Variants in FGR observed in about 807,000 individuals in gnomAD.
The protein encoded by FGR is FGR proto-oncogene, Src family tyrosine kinase, also known as tyrosine-protein kinase Fgr.
A neutral mutation model predicts 63.2 loss-of-function variants in FGR; 26 were observed. The ratio of observed to expected loss-of-function variants is 0.41; its 90% CI spans 0.30 to 0.57. The LOEUF (loss-of-function observed/expected upper bound fraction) is 0.57, where lower values mean the gene tolerates loss of function less well. FGR is among the 20% of genes least tolerant of loss of function. The pLI, the probability that FGR is intolerant of heterozygous loss-of-function variation, is 0.27. For synonymous variants in FGR, 286 were observed against 277.7 expected (o/e 1.03, Z -0.30); for missense variants, 511 against 690.8 (o/e 0.74, Z 2.92).
At chr1:27,630,083 C>A (rs933239537) in intron 1 of FGR, among the ~76,000 whole-genome samples, 3 of 152,108 alleles carry the variant, frequency 2.0e-5, no homozygotes, top group African/African-American at 7.2e-5. Flanking sequence ...GACGGGGTCT[C>A]ACTCTGTTGC....
At position 27,615,555 on chromosome 1, in the gene FGR, G is replaced by C. The variant is rs768777840; in HGVS notation, c.897C>G (p.Ser299=). The C allele has an allele frequency of 6.2e-7, 1 of 1,613,756 alleles. No individual in the cohort carries two copies. Among genetic ancestry groups the C allele is most frequent in the African/African-American group, 1.3e-5 (1 of 74,916 alleles). Residue 299 remains serine (S), a synonymous_variant, in exon 9 of 13, where the codon TCC becomes TCG. Coordinates refer to ENST00000374005, the MANE Select transcript of FGR (RefSeq NM_005248.3). The surrounding 1 kb of genome is among the most constrained non-coding windows in gnomAD (Gnocchi z 7.6). ...AVKTLKPGTM[S]PKAFLEEAQV... ...GCGCCTCCTCCAGGAAGGCCTTCGG[G>C]GACATGGTGCCCGGCTTCAGCGTCT... is the stretch of plus-strand genomic sequence containing the variant.
intron 1 of FGR, among the ~76,000 whole-genome samples, chr1:27,634,125 G>T (rs1181381393): frequency 6.6e-6 from 1 of 150,384 alleles, no homozygotes; most frequent in African/African-American, 2.5e-5. Context: ...CCAAAAGGGG[G>T]CGAAGGCGGA....
At chr1:27,627,477 CAT>C (rs61085877) in intron 1 of FGR, among the ~76,000 whole-genome samples, 3 of 146,060 alleles carry the variant, frequency 2.1e-5, no homozygotes, top group African/African-American at 5.0e-5. Flanking sequence ...CACACACACA[CAT>C]CCTCTATAAA....
At chr1:27,633,420 C>T (rs2090134311) in intron 1 of FGR, among the ~76,000 whole-genome samples, 1 of 152,186 alleles carries the variant, frequency 6.6e-6, no homozygotes, top group African/African-American at 2.4e-5. Flanking sequence ...GATGCAGCAC[C>T]AGAGAGGGTG....
intron 1 of FGR, among the ~76,000 whole-genome samples, chr1:27,630,288 C>T (rs540104080): frequency 4.5e-4 from 69 of 152,272 alleles, no homozygotes; most frequent in African/African-American, 1.3e-3. Context: ...CTCCTGACCT[C>T]GTGATCTGCC....
chr1:27,621,455 G>T (rs2089923531), intron 5 of FGR, 104 bp downstream of exon 5: 1 of 754,514 alleles, frequency 1.3e-6, no homozygotes, highest in Non-Finnish European at 2.4e-6. Flanking sequence ...ATTAGATAAG[G>T]AGACAGGCTC....
chr1:27,634,127 G>A (rs1247570374), intron 1 of FGR, among the ~76,000 whole-genome samples: 2 of 150,008 alleles, frequency 1.3e-5, no homozygotes, highest in African/African-American at 2.5e-5. Flanking sequence ...AAAAGGGGGC[G>A]AAGGCGGAGA....
chr1:27,619,366 T>C (rs1208557286), intron 5 of FGR, among the ~76,000 whole-genome samples: 1 of 152,168 alleles, frequency 6.6e-6, no homozygotes, highest in African/African-American at 2.4e-5. Flanking sequence ...AATTTTTGTA[T>C]TTTTAGTAGA....
chr1:27,626,888 C>T (rs912515049), intron 1 of FGR, among the ~76,000 whole-genome samples: 3 of 152,010 alleles, frequency 2.0e-5, no homozygotes, highest in African/African-American at 4.8e-5. Context: ...AGGGTGAGGC[C>T]GGGCACAGTG....
In FGR at chr1:27,617,184, C is replaced by G. The variant is rs2089830057; in HGVS notation, c.532+9G>C. The G allele has an allele frequency of 1.2e-6, 2 of 1,613,216 alleles. No individual in the cohort carries two copies. Among genetic ancestry groups the G allele is most frequent in the Non-Finnish European group, 1.7e-6 (2 of 1,179,284 alleles). On this transcript the variant is annotated intron_variant, in intron 6 of 12. Transcript: ENST00000374005. This position sits in a 1 kb window ranked among gnomAD's most constrained non-coding sequence, Gnocchi z 4.5. ...TCCCAGTCGCCTTGGGGCGTGGCACCACCCCTACCTTTGGTGGTCTCGCTT... is the reference window on the plus strand; with the variant it reads ...TCCCAGTCGCCTTGGGGCGTGGCACGACCCCTACCTTTGGTGGTCTCGCTT...
At chr1:27,634,846 G>T (rs2090156757) in intron 1 of FGR, among the ~76,000 whole-genome samples, 1 of 151,402 alleles carries the variant, frequency 6.6e-6, no homozygotes, top group Non-Finnish European at 1.5e-5. Context: ...GCTCCCCTCC[G>T]CCCTCTCCTC....
In FGR at chr1:27,617,389, TC is replaced by T; in HGVS notation, c.429-94del. ...CACCTCACAAGCCAAGACTCCATTT[TC>T]CCCATGTGTAAAATGGGGCTGGTAC... On this transcript the variant is annotated intron_variant, in intron 5 of 12. Coordinates refer to ENST00000374005, the MANE Select transcript of FGR (RefSeq NM_005248.3). This position sits in a 1 kb window ranked among gnomAD's most constrained non-coding sequence, Gnocchi z 4.5. The T allele has an allele frequency of 2.3e-6, 2 of 867,042 alleles. No individual in the cohort carries two copies. Among genetic ancestry groups the T allele is most frequent in the Non-Finnish European group, 1.9e-6 (1 of 523,282 alleles). 53.7% of individuals were successfully genotyped at this position (867,042 alleles called of 1,614,324 possible). A position where few individuals can be genotyped will look rare whatever the true frequency, so the allele number is the denominator to read the frequency against.
At chr1:27,622,248 C>A (rs2089942325) in intron 4 of FGR, among the ~76,000 whole-genome samples, 1 of 147,854 alleles carries the variant, frequency 6.8e-6, no homozygotes, top group South Asian at 2.2e-4. Flanking sequence ...AAGATTGCAC[C>A]ACTGCACTCC....
At chr1:27,626,863 G>A (rs56854702) in intron 1 of FGR, among the ~76,000 whole-genome samples, 1 of 151,954 alleles carries the variant, frequency 6.6e-6, no homozygotes, top group African/African-American at 2.4e-5. Flanking sequence ...GAGAGATGGG[G>A]CTGATACAAA....
At chr1:27,630,271 T>A (rs914355088) in intron 1 of FGR, among the ~76,000 whole-genome samples, 4 of 152,206 alleles carry the variant, frequency 2.6e-5, no homozygotes, top group Non-Finnish European at 5.9e-5. Context: ...GCCCGGATGG[T>A]CTCGATCTCC....
At chr1:27,628,177 AAAAAAAAAC>A in intron 1 of FGR, among the ~76,000 whole-genome samples, 1 of 150,786 alleles carries the variant, frequency 6.6e-6, no homozygotes, top group African/African-American at 2.5e-5. Flanking sequence ...GTCTCAAAAA[AAAAAAAAAC>A]AAAAAAAAAC....
chr1:27,632,119 G>GTTCTTC lies in FGR; in HGVS notation c.-77+2940_-77+2945dup, dbSNP rs528582306. On this transcript the variant is annotated intron_variant, in intron 1 of 12. Transcript: ENST00000374005. The stretch of plus-strand genomic sequence containing the variant: ...ATTAACTCCCTTTCTTTCTTTCTTT[G>GTTCTTC]TTCTTCTTCTTCTTCTTCTTCTTTT... Among the ~76,000 whole-genome samples the GTTCTTC allele has an allele frequency of 3.3e-3, 481 of 147,262 alleles. 19 individuals carry two copies. Among genetic ancestry groups the GTTCTTC allele is most frequent in the East Asian group, 0.022 (109 of 4,866 alleles).
chr1:27,613,151 G>C lies in FGR; in HGVS notation c.1382-29C>G, dbSNP rs1444792230. 4.3e-6 allele frequency: 7 copies of C among 1,611,100 alleles called. No homozygotes were observed. In the Admixed American group the frequency reaches 6.7e-5, roughly 15 times the overall value. The stretch of plus-strand genomic sequence containing the variant: ...AAGGATGGGTCTCTGTCAGTCAAAG[G>C]GACAGCCAGGTGGAAGCCCTTCCCC... On this transcript the variant is annotated intron_variant, in intron 12 of 12. Coordinates refer to ENST00000374005, the MANE Select transcript of FGR (RefSeq NM_005248.3).
chr1:27,613,409 T>G, intron 11 of FGR, 59 bp from the exon 12 acceptor site: 1 of 1,591,012 alleles, frequency 6.3e-7, no homozygotes, highest in Non-Finnish European at 8.6e-7. Context: ...ACAGCTGGAT[T>G]AAGAGAATGG....
Sources: allele counts gnomAD v4.1 joint callset (sites outside exome capture counted in the v4.1 genomes callset), GRCh38; gene constraint gnomAD v4.1.1; non-coding constraint Gnocchi (gnomAD v3.1); transcripts MANE v1.5; gene names NCBI Gene and HGNC (gene_info 2026-07-23, HGNC 2026-07-21).